Variants in DLG2 observed in about 807,000 individuals in gnomAD.
The protein encoded by DLG2 is disks large homolog 2.
In DLG2, 45 loss-of-function variants were observed where a neutral mutation model predicts 132.5. The observed-to-expected ratio is 0.34, with a 90% CI of 0.27 to 0.44. DLG2 has a LOEUF of 0.44. Ranked by LOEUF, DLG2 falls within the 20% of genes least tolerant of loss-of-function variation. The probability of loss-of-function intolerance (pLI) is 1.00; values close to 1 mark genes in which losing one functional copy is unlikely to be tolerated. For synonymous variants in DLG2, 424 were observed against 419.6 expected (o/e 1.01, Z -0.13); for missense variants, 1,045 against 1,196.9 (o/e 0.87, Z 1.87).
chr11:84,334,331 G>A (rs1335227544), intron 7 of DLG2, among the ~76,000 whole-genome samples: 1 of 152,162 alleles, frequency 6.6e-6, no homozygotes, highest in African/African-American at 2.4e-5. Context: ...GACCATGCAA[G>A]TTTGGAGGTT....
intron 19 of DLG2, among the ~76,000 whole-genome samples, chr11:83,557,882 A>C (rs1425264508): frequency 6.6e-6 from 1 of 152,146 alleles, no homozygotes. Context: ...GTCAAGGAAG[A>C]GGCTCATTGC....
chr11:85,009,593 T>A (rs1446967224), intron 6 of DLG2, among the ~76,000 whole-genome samples: 1 of 152,150 alleles, frequency 6.6e-6, no homozygotes, highest in Non-Finnish European at 1.5e-5. Context: ...ATTCATTTAA[T>A]GTAGAAACTT....
chr11:84,679,669 G>A (rs2099723824), intron 6 of DLG2, among the ~76,000 whole-genome samples: 1 of 152,042 alleles, frequency 6.6e-6, no homozygotes, highest in Non-Finnish European at 1.5e-5. Context: ...GTCAAAGTCT[G>A]TTCTAAACGC....
intron 6 of DLG2, among the ~76,000 whole-genome samples, chr11:84,929,001 TATATATATATATA>T (rs1449476241): frequency 7.8e-6 from 1 of 127,686 alleles, no homozygotes; most frequent in South Asian, 2.5e-4. Flanking sequence ...TATATATATA[TATATATATATATA>T]TATATATATA....
intron 6 of DLG2, among the ~76,000 whole-genome samples, chr11:84,782,905 T>C (rs1412571994): frequency 2.6e-5 from 4 of 152,180 alleles, no homozygotes; most frequent in African/African-American, 9.6e-5. Context: ...CGTACCTTTC[T>C]GGCAGTCCTC....
chr11:84,001,665 ATTATC>A (rs1362356688), intron 11 of DLG2, among the ~76,000 whole-genome samples: 2 of 152,186 alleles, frequency 1.3e-5, no homozygotes, highest in African/African-American at 4.8e-5. Context: ...CGCATGAAAC[ATTATC>A]CAGGATAGTA....
At chr11:85,519,600 GTGGACTTCCGTTAA>G (rs2074114663) in intron 3 of DLG2, among the ~76,000 whole-genome samples, 1 of 152,198 alleles carries the variant, frequency 6.6e-6, no homozygotes, top group South Asian at 2.1e-4. Context: ...ACTTTGGACT[GTGGACTTCCGTTAA>G]TGCTGAAATG....
intron 6 of DLG2, among the ~76,000 whole-genome samples, chr11:84,659,694 T>C (rs1275794834): frequency 6.6e-6 from 1 of 152,182 alleles, no homozygotes; most frequent in Non-Finnish European, 1.5e-5. Context: ...TATAAGATGC[T>C]AAACCAACTA....
chr11:83,706,276 A>T (rs2083974386), intron 18 of DLG2, among the ~76,000 whole-genome samples: 1 of 151,964 alleles, frequency 6.6e-6, no homozygotes, highest in Non-Finnish European at 1.5e-5. Context: ...TTATTTGACA[A>T]TGTTTATTAA....
chr11:85,563,908 G>A (rs1005177209), intron 3 of DLG2, among the ~76,000 whole-genome samples: 41 of 152,182 alleles, frequency 2.7e-4, no homozygotes, highest in Non-Finnish European at 5.9e-4. Flanking sequence ...CAAAGTGGTT[G>A]TACCATTGTA....
chr11:83,782,995 T>A (rs113848212), intron 18 of DLG2, among the ~76,000 whole-genome samples: 2 of 152,188 alleles, frequency 1.3e-5, no homozygotes, highest in Non-Finnish European at 2.9e-5. Flanking sequence ...GCATAGTGCT[T>A]AAATGGAATT....
chr11:83,467,877 T>C (rs2136333344), intron 25 of DLG2, among the ~76,000 whole-genome samples: 2 of 135,422 alleles, frequency 1.5e-5, no homozygotes, highest in East Asian at 4.3e-4. Context: ...TAAATGCGGG[T>C]TAAATGCCAA....
intron 10 of DLG2, among the ~76,000 whole-genome samples, chr11:84,087,418 T>A (rs1447769698): frequency 1.3e-5 from 2 of 152,240 alleles, no homozygotes; most frequent in African/African-American, 4.8e-5. Context: ...GCTGGACATC[T>A]TTTTATGTGC....
intron 3 of DLG2, among the ~76,000 whole-genome samples, chr11:85,506,029 G>C (rs950341194): frequency 6.6e-6 from 1 of 152,192 alleles, no homozygotes; most frequent in Non-Finnish European, 1.5e-5. Context: ...AGTATTCTCT[G>C]ATGGTAGTTT....
chr11:85,348,258 C>G (rs2083008802), intron 3 of DLG2, among the ~76,000 whole-genome samples: 1 of 150,896 alleles, frequency 6.6e-6, no homozygotes, highest in East Asian at 1.9e-4. Flanking sequence ...GAGTCTCACT[C>G]TGTCACGAGG....
intron 3 of DLG2, among the ~76,000 whole-genome samples, chr11:85,385,398 G>T (rs2086244203): frequency 6.6e-6 from 1 of 152,096 alleles, no homozygotes. Flanking sequence ...TTTTTACCAA[G>T]GAGTAGGGAA....
chr11:85,298,440 C>T (rs987549823), intron 3 of DLG2, among the ~76,000 whole-genome samples: 3 of 152,078 alleles, frequency 2.0e-5, no homozygotes, highest in African/African-American at 4.8e-5. Context: ...AATCTAATTA[C>T]GTGCCACCTG....
chr11:84,723,015 C>T (rs562894357), intron 6 of DLG2, among the ~76,000 whole-genome samples: 2 of 152,262 alleles, frequency 1.3e-5, no homozygotes, highest in South Asian at 2.1e-4. Context: ...ATATCCTTTA[C>T]CATTTTATTC....
intron 3 of DLG2, among the ~76,000 whole-genome samples, chr11:85,390,113 C>T (rs998317965): frequency 1.3e-5 from 2 of 152,030 alleles, no homozygotes; most frequent in Non-Finnish European, 2.9e-5. Context: ...AAGAAACTCA[C>T]CTGACACATA....
Sources: gnomAD v4.1 joint callset for allele counts (sites outside exome capture counted in the v4.1 genomes callset) on GRCh38, gnomAD v4.1.1 for gene constraint, MANE v1.5 for transcripts, NCBI Gene and HGNC (gene_info 2026-07-23, HGNC 2026-07-21) for gene names.